Variants in CTTNBP2 observed in about 807,000 individuals in gnomAD.
CTTNBP2 encodes cortactin binding protein 2.
A neutral mutation model predicts 156.9 loss-of-function variants in CTTNBP2; 108 were observed. The observed-to-expected ratio is 0.69, with a 90% CI of 0.59 to 0.81. The LOEUF is 0.81. CTTNBP2 is among the 30% of genes least tolerant of loss of function. The pLI, the probability that CTTNBP2 is intolerant of heterozygous loss-of-function variation, is 0.00. For synonymous variants in CTTNBP2, 767 were observed against 751.8 expected, an observed-to-expected ratio of 1.02 and a Z score of -0.33; for missense variants, 1,924 against 2,035.4, an observed-to-expected ratio of 0.95 and a Z score of 1.05.
rs1294139331 is a variant in CTTNBP2, at chr7:117,719,644, A to G, written c.4512-8T>C. On this transcript the variant is annotated splice_region_variant and splice_polypyrimidine_tract_variant and intron_variant, in intron 20 of 22. Coordinates refer to ENST00000160373, the MANE Select transcript of CTTNBP2 (RefSeq NM_033427.3). ...AGATCATTCTCTAAAGACCTAACAC[A>G]AAGTTCAGAAAAACGTTTTTCAAAG... 4 of 1,602,130 alleles carry G rather than the reference A, an allele frequency of 2.5e-6. No homozygotes were observed. The highest frequency in any genetic ancestry group is 2.6e-6 in the Non-Finnish European group (3 of 1,173,272).
intron 14 of CTTNBP2, among the ~76,000 whole-genome samples, chr7:117,744,206 T>C (rs1796188100): frequency 6.6e-6 from 1 of 152,212 alleles, no homozygotes; most frequent in Non-Finnish European, 1.5e-5. Flanking sequence ...CAATGTACAA[T>C]TAAGTTATTA....
chr7:117,734,585 A>C (rs1332975452), intron 16 of CTTNBP2, among the ~76,000 whole-genome samples: 1 of 152,242 alleles, frequency 6.6e-6, no homozygotes, highest in African/African-American at 2.4e-5. Flanking sequence ...ACAAGGGTGT[A>C]TGTTTTGAAG....
At position 117,711,393 on chromosome 7, in the gene CTTNBP2, CA is replaced by C. The variant is rs200808668; in HGVS notation, c.*143del. On this transcript the variant is annotated 3_prime_UTR_variant, in exon 23 of 23. Transcript: ENST00000160373. ...ATGTTGGTTATAAATACATTCTTTA[CA>C]AAAAAAAATTGAATAGTGGTCCCGC... 310 of 842,486 alleles carry C rather than the reference CA, an allele frequency of 3.7e-4. No individual in the cohort carries two copies. The highest frequency in any genetic ancestry group is 5.0e-4 in the South Asian group (18 of 35,896). The allele number at this position is 842,486 out of a possible 1,614,324, so 52.2% of individuals were successfully genotyped here.
intron 22 of CTTNBP2, among the ~76,000 whole-genome samples, chr7:117,716,244 G>C (rs1280431291): frequency 7.2e-6 from 1 of 139,024 alleles, no homozygotes; most frequent in African/African-American, 2.6e-5. Flanking sequence ...CTTTTTTTTT[G>C]TGGACAGTAC....
rs1381118715 is a variant in CTTNBP2 at position 117,792,748 on chromosome 7, C to T, written c.448G>A (p.Glu150Lys). 6.3e-7 allele frequency: 1 copy of T among 1,593,672 alleles called. No individual in the cohort carries two copies. Among genetic ancestry groups the T allele is most frequent in the Non-Finnish European group, 8.5e-7 (1 of 1,171,146 alleles). The change falls in exon 4 of 23, where the codon GAG becomes AAG. Residue 150 changes from glutamate (E) to lysine (K), a missense_variant. By Grantham distance (56) the Glu-to-Lys change is moderately conservative. Transcript: ENST00000160373. This position sits in a 1 kb window ranked among gnomAD's most constrained non-coding sequence, Gnocchi z 4.2. Reference protein sequence around the residue: ...EMEKLQLQALEQEHKKLAARL... With the variant: ...EMEKLQLQALKQEHKKLAARL... ...GCAGCCAGCTTCTTGTGCTCTTGCTCAAGGGCTTGTAGCTGAAGCTTCTCC... is the reference window on the plus strand; with the variant it reads ...GCAGCCAGCTTCTTGTGCTCTTGCTTAAGGGCTTGTAGCTGAAGCTTCTCC...
intron 2 of CTTNBP2, among the ~76,000 whole-genome samples, chr7:117,853,218 A>G: frequency 6.6e-6 from 1 of 152,106 alleles, no homozygotes. Flanking sequence ...CCATCATGGG[A>G]TGGATGGAGG....
chr7:117,722,528 AAATT>A (rs1794859754), intron 19 of CTTNBP2, among the ~76,000 whole-genome samples: 1 of 152,168 alleles, frequency 6.6e-6, no homozygotes, highest in Non-Finnish European at 1.5e-5. Flanking sequence ...TCTAAAACTA[AAATT>A]ATTAAAAATA....
chr7:117,737,441 CAGAATGCATCTGAAGGA>C (rs1178382508), intron 14 of CTTNBP2, among the ~76,000 whole-genome samples: 2 of 152,192 alleles, frequency 1.3e-5, no homozygotes, highest in Non-Finnish European at 2.9e-5. Context: ...TGCAGCCAGC[CAGAATGCATCTGAAGGA>C]AGGAATATTT....
intron 12 of CTTNBP2, among the ~76,000 whole-genome samples, chr7:117,750,466 G>T (rs752204604): frequency 1.3e-5 from 2 of 152,178 alleles, no homozygotes; most frequent in Non-Finnish European, 2.9e-5. Flanking sequence ...GGTAGGTAAA[G>T]AGAAAAACAA....
intron 16 of CTTNBP2, among the ~76,000 whole-genome samples, chr7:117,728,509 C>T (rs1034678585): frequency 1.3e-5 from 2 of 152,114 alleles, no homozygotes; most frequent in African/African-American, 4.8e-5. Context: ...ATTTTTACCC[C>T]ATTTTACATA....
intron 4 of CTTNBP2, among the ~76,000 whole-genome samples, chr7:117,789,394 T>C (rs906757257): frequency 3.9e-5 from 6 of 152,206 alleles, no homozygotes; most frequent in Non-Finnish European, 7.3e-5. Flanking sequence ...TATGCATTTA[T>C]GGCAATAGCA....
At chr7:117,722,700 G>A (rs1024961904) in intron 19 of CTTNBP2, among the ~76,000 whole-genome samples, 1 of 152,232 alleles carries the variant, frequency 6.6e-6, no homozygotes, top group Non-Finnish European at 1.5e-5. Flanking sequence ...AGCTCAAAAA[G>A]TTGGTCTTAA....
intron 2 of CTTNBP2, among the ~76,000 whole-genome samples, chr7:117,817,361 A>AAAAAAAAAT (rs1554437688): frequency 5.6e-5 from 3 of 53,308 alleles, no homozygotes; most frequent in Non-Finnish European, 1.0e-4. Flanking sequence ...AAAAAAAAAA[A>AAAAAAAAAT]ATATATATAT....
chr7:117,804,068 T>G (rs1202055694), intron 3 of CTTNBP2, among the ~76,000 whole-genome samples: 1 of 152,070 alleles, frequency 6.6e-6, no homozygotes, highest in Non-Finnish European at 1.5e-5. Flanking sequence ...GTTCGAGAGA[T>G]TCTTTTGCCT....
intron 3 of CTTNBP2, among the ~76,000 whole-genome samples, chr7:117,795,615 T>C (rs1344788056): frequency 6.6e-6 from 1 of 152,184 alleles, no homozygotes; most frequent in Non-Finnish European, 1.5e-5. Context: ...ATCTCACATC[T>C]TGTCCACAGT....
rs927508965 is a variant in CTTNBP2 at position 117,748,619 on chromosome 7, T to C, written c.3349-2520A>G. ...CAACTTTATGCCATTGCATTTTCAA[T>C]TGTTCTTATAGTTCCTTACCTCATC... On this transcript the variant is annotated intron_variant, in intron 12 of 22. Transcript: ENST00000160373. Among the ~76,000 whole-genome samples, 7 of 152,344 alleles carry C rather than the reference T, an allele frequency of 4.6e-5. No homozygotes were observed. In the East Asian group the frequency reaches 7.7e-4, roughly 17 times the overall value.
At chr7:117,855,552 A>G (rs990256390) in intron 2 of CTTNBP2, among the ~76,000 whole-genome samples, 10 of 152,204 alleles carry the variant, frequency 6.6e-5, no homozygotes, top group African/African-American at 1.9e-4. Context: ...TGCTACTGGC[A>G]TCTAGTGGGT....
intron 14 of CTTNBP2, among the ~76,000 whole-genome samples, chr7:117,738,203 C>T (rs1231386265): frequency 6.6e-6 from 1 of 152,110 alleles, no homozygotes; most frequent in Non-Finnish European, 1.5e-5. Context: ...GGGGCACTGG[C>T]ATTTTGTAAA....
At chr7:117,730,184 T>C (rs938189449) in intron 16 of CTTNBP2, among the ~76,000 whole-genome samples, 4 of 152,140 alleles carry the variant, frequency 2.6e-5, no homozygotes, top group African/African-American at 9.7e-5. Context: ...GTGCTGCTCC[T>C]TCTGCCCAGA....
Sources: gnomAD v4.1 joint callset for allele counts (sites outside exome capture counted in the v4.1 genomes callset) on GRCh38, gnomAD v4.1.1 for gene constraint, Gnocchi (gnomAD v3.1) non-coding constraint, MANE v1.5 for transcripts, NCBI Gene and HGNC (gene_info 2026-07-23, HGNC 2026-07-21) for gene names.